The following ASIC2 variants were observed in gnomAD, a reference collection of about 807,000 sequenced individuals.
ASIC2 encodes acid-sensing ion channel 2.
In ASIC2, 25 loss-of-function variants were observed where a neutral mutation model predicts 57.3. The observed-to-expected ratio is 0.44, with a 90% CI of 0.32 to 0.61. ASIC2 has a LOEUF of 0.61. ASIC2 is among the 20% of genes least tolerant of loss of function. The pLI is 0.06. For synonymous variants in ASIC2, 319 were observed against 307.5 expected (o/e 1.04, Z -0.39); for missense variants, 641 against 738.1 (o/e 0.87, Z 1.52).
Position 33,579,671 on chromosome 17 carries a change from A to G in ASIC2, c.556-467604T>C, listed in dbSNP as rs554819430. On this transcript the variant is annotated intron_variant, in intron 1 of 9. Coordinates refer to the ASIC2 transcript ENST00000359872. ...CCTTCTGGTGGGCTCCTGGTCTGGC[A>G]GACTTCTAGAGTGAAGCTACAGACC... 2.0e-5 allele frequency among the ~76,000 whole-genome samples: 3 copies of G among 152,226 alleles called. No homozygotes were observed. The South Asian group carries it at 6.2e-4, about 32-fold the overall frequency.
chr17:33,114,469 A>G (rs952755866), intron 1 of ASIC2, among the ~76,000 whole-genome samples: 8 of 152,220 alleles, frequency 5.3e-5, no homozygotes, highest in Non-Finnish European at 1.2e-4. Context: ...AATTGCTTAA[A>G]ATATTAATTT....
intron 1 of ASIC2, among the ~76,000 whole-genome samples, chr17:33,895,112 C>T (rs1004239622): frequency 6.6e-6 from 1 of 151,864 alleles, no homozygotes; most frequent in African/African-American, 2.4e-5. Flanking sequence ...TCCTTTGGAT[C>T]CAGTCTTTTT....
intron 1 of ASIC2, among the ~76,000 whole-genome samples, chr17:34,062,133 G>A (rs1267349311): frequency 6.6e-6 from 1 of 152,040 alleles, no homozygotes; most frequent in Non-Finnish European, 1.5e-5. Flanking sequence ...CATAAAACGA[G>A]CCTCAATAAA....
intron 1 of ASIC2, among the ~76,000 whole-genome samples, chr17:33,736,960 A>G (rs1219495880): frequency 6.6e-6 from 1 of 152,278 alleles, no homozygotes; most frequent in Non-Finnish European, 1.5e-5. Context: ...ACTGAGATAC[A>G]GTAAGCTGCA....
At chr17:33,989,516 G>GA (rs1204277187) in intron 1 of ASIC2, among the ~76,000 whole-genome samples, 3 of 149,918 alleles carry the variant, frequency 2.0e-5, no homozygotes, top group Admixed American at 2.0e-4. Context: ...AACAGGAGTG[G>GA]AGAGAATATA....
At chr17:33,919,931 A>G (rs897512783) in intron 1 of ASIC2, among the ~76,000 whole-genome samples, 14 of 152,344 alleles carry the variant, frequency 9.2e-5, no homozygotes, top group Admixed American at 6.5e-5. Context: ...GCTCCACATC[A>G]CTAACCATCA....
intron 1 of ASIC2, among the ~76,000 whole-genome samples, chr17:33,706,250 T>C (rs146158015): frequency 3.3e-5 from 5 of 151,090 alleles, no homozygotes; most frequent in East Asian, 1.9e-4. Flanking sequence ...TGAGACAGGA[T>C]CTGGCTCTGT....
intron 1 of ASIC2, chr17:33,935,368 G>A (rs551525886): frequency 9.9e-5 from 15 of 152,206 alleles, no homozygotes; most frequent in Non-Finnish European, 2.1e-4. Context: ...TCCAGGCTGG[G>A]ACTCTCAGAG....
At chr17:34,054,047 TA>T (rs1266755157) in intron 1 of ASIC2, among the ~76,000 whole-genome samples, 1 of 152,238 alleles carries the variant, frequency 6.6e-6, no homozygotes, top group East Asian at 1.9e-4. Flanking sequence ...GTGGGAGTCA[TA>T]AGTACCGCAA....
intron 1 of ASIC2, among the ~76,000 whole-genome samples, chr17:34,081,296 A>G (rs563731529): frequency 2.0e-5 from 3 of 152,326 alleles, no homozygotes; most frequent in South Asian, 4.1e-4. Context: ...TAGTGGTAAG[A>G]AGGAACCTAA....
At chr17:33,686,982 A>C (rs1231110416) in intron 1 of ASIC2, among the ~76,000 whole-genome samples, 1 of 152,190 alleles carries the variant, frequency 6.6e-6, no homozygotes, top group Non-Finnish European at 1.5e-5. Context: ...ATGAATGACC[A>C]AGGGAACCTA....
At chr17:33,862,848 T>G (rs796746364) in intron 1 of ASIC2, among the ~76,000 whole-genome samples, 1 of 152,242 alleles carries the variant, frequency 6.6e-6, no homozygotes, top group South Asian at 2.1e-4. Flanking sequence ...AGAGGGCAGA[T>G]GGTCAGTTTC....
chr17:33,523,806 C>G (rs66477321), intron 1 of ASIC2, among the ~76,000 whole-genome samples: 35,230 of 152,052 alleles, frequency 0.23, 4,518 homozygotes, highest in African/African-American at 0.34. Flanking sequence ...TGATGTAGCT[C>G]CAGGGAGGGG....
rs150041614 is a variant in ASIC2, at chr17:33,136,698, C to T, written c.709-24631G>A. On this transcript the variant is annotated intron_variant, in intron 1 of 9. Coordinates refer to ENST00000225823, the MANE Select transcript of ASIC2 (RefSeq NM_183377.2). ...AAAGAGTATGCATAACCCATGGCTT[C>T]TCCACTTTCCTTTCATTTCCCCTTG... is the stretch of plus-strand genomic sequence containing the variant. Among the ~76,000 whole-genome samples the T allele has an allele frequency of 7.3e-3, 1,109 of 152,300 alleles. 14 individuals carry two copies. Among genetic ancestry groups the T allele is most frequent in the African/African-American group, 0.025 (1,043 of 41,552 alleles).
intron 2 of ASIC2, among the ~76,000 whole-genome samples, chr17:33,107,205 C>G (rs111663784): frequency 0.012 from 1,881 of 152,230 alleles, 35 homozygotes; most frequent in African/African-American, 0.043. Flanking sequence ...GTTGGAAAAC[C>G]CTGGCCATGA....
At chr17:33,202,523 C>T (rs1327312985) in intron 1 of ASIC2, among the ~76,000 whole-genome samples, 1 of 152,170 alleles carries the variant, frequency 6.6e-6, no homozygotes, top group Non-Finnish European at 1.5e-5. Context: ...AGGTCAGCAC[C>T]TCCCGTGGGG....
At chr17:34,006,545 G>A (rs1906531035) in intron 1 of ASIC2, 1 of 151,818 alleles carries the variant, frequency 6.6e-6, no homozygotes, top group Non-Finnish European at 1.5e-5. Flanking sequence ...CTACTTTTTA[G>A]GTTTTTCTTA....
intron 1 of ASIC2, among the ~76,000 whole-genome samples, chr17:33,290,424 C>T (rs758079917): frequency 6.6e-6 from 1 of 152,246 alleles, no homozygotes; most frequent in African/African-American, 2.4e-5. Flanking sequence ...CATTTACACA[C>T]GAATGGCTGG....
chr17:33,067,547 G>T (rs1328764166), intron 3 of ASIC2, among the ~76,000 whole-genome samples: 1 of 152,138 alleles, frequency 6.6e-6, no homozygotes, highest in Non-Finnish European at 1.5e-5. Context: ...TATGAAACTG[G>T]ATCACAGGAG....
Sources: gnomAD v4.1 joint callset for allele counts (sites outside exome capture counted in the v4.1 genomes callset) on GRCh38, gnomAD v4.1.1 for gene constraint, MANE v1.5 for transcripts, NCBI Gene and HGNC (gene_info 2026-07-23, HGNC 2026-07-21) for gene names.